The following DOCK4 variants were observed in gnomAD, a reference collection of about 807,000 sequenced individuals.
DOCK4 encodes the protein dedicator of cytokinesis protein 4.
DOCK4 carries 97 observed loss-of-function variants against 268.1 expected under a neutral mutation model. The observed-to-expected ratio is 0.36, with a 90% CI of 0.31 to 0.43. DOCK4 has a LOEUF of 0.43. Ranked by LOEUF, DOCK4 falls within the 20% of genes least tolerant of loss-of-function variation. DOCK4 has a pLI of 1.00. For synonymous variants in DOCK4, 954 were observed against 887.2 expected, an observed-to-expected ratio of 1.08 and a Z score of -1.34; for missense variants, 2,145 against 2,455.7, an observed-to-expected ratio of 0.87 and a Z score of 2.67.
chr7:111,824,376 T>C (rs1802237863), intron 26 of DOCK4, among the ~76,000 whole-genome samples: 2 of 152,184 alleles, frequency 1.3e-5, no homozygotes, highest in Non-Finnish European at 1.5e-5. Flanking sequence ...CCCACTTCAG[T>C]TTCCTATCTT....
intron 8 of DOCK4, among the ~76,000 whole-genome samples, chr7:111,958,925 C>A (rs1796646591): frequency 6.6e-6 from 1 of 152,262 alleles, no homozygotes; most frequent in East Asian, 1.9e-4. Context: ...ATTGACATAA[C>A]AACATCTCTA....
In DOCK4 at chr7:112,181,463, C is replaced by T. The variant is rs138233847; in HGVS notation, c.37+24639G>A. Among the ~76,000 whole-genome samples, 1,372 of 151,876 alleles carry T rather than the reference C, an allele frequency of 9.0e-3. 5 individuals are homozygous for T. Among genetic ancestry groups the T allele is most frequent in the Middle Eastern group, 0.024 (7 of 294 alleles). ...GAGGCCAGCACAGTTCGGGACCAGA[C>T]TGGGAAACATACTGAGACTCCATCT... On this transcript the variant is annotated intron_variant, in intron 1 of 52. Transcript: ENST00000428084.
intron 1 of DOCK4, among the ~76,000 whole-genome samples, chr7:112,070,034 T>C (rs1023672457): frequency 9.2e-5 from 14 of 152,068 alleles, no homozygotes; most frequent in African/African-American, 3.1e-4. Flanking sequence ...TGGTGATCCA[T>C]TGAAGGATTT....
At chr7:111,784,179 A>G in intron 32 of DOCK4, 56 bp from the exon 33 acceptor site, 1 of 1,512,684 alleles carries the variant, frequency 6.6e-7, no homozygotes, top group Non-Finnish European at 8.9e-7. Context: ...CAAGTCATAA[A>G]ATACAAACAC....
At chr7:111,802,674 T>C (rs1800390103) in intron 30 of DOCK4, among the ~76,000 whole-genome samples, 3 of 152,170 alleles carry the variant, frequency 2.0e-5, no homozygotes, top group African/African-American at 7.2e-5. Flanking sequence ...TTGAGTACTT[T>C]TGAATCTCTT....
At chr7:112,202,605 A>G (rs1821042242) in intron 1 of DOCK4, among the ~76,000 whole-genome samples, 1 of 152,074 alleles carries the variant, frequency 6.6e-6, no homozygotes, top group Non-Finnish European at 1.5e-5. Flanking sequence ...GAGAAGGTGC[A>G]TGTCAGTAAT....
At chr7:111,780,114 G>A (rs1015082221) in intron 35 of DOCK4, among the ~76,000 whole-genome samples, 2 of 152,168 alleles carry the variant, frequency 1.3e-5, no homozygotes, top group Admixed American at 6.5e-5. Flanking sequence ...TCTAGCAAAT[G>A]TGGCTGTTGA....
rs1794791166 is a variant in DOCK4 at position 111,728,350 on chromosome 7, T to TGGC, written c.5849_5851dup (p.Ser1950_His1951insArg). 1 of 1,521,450 alleles carries TGGC rather than the reference T, an allele frequency of 6.6e-7. No individual in the cohort carries two copies. Among genetic ancestry groups the TGGC allele is most frequent in the Non-Finnish European group, 8.8e-7 (1 of 1,136,870 alleles). The allele number at this position is 1,521,450 out of a possible 1,614,324, so 94.2% of individuals were successfully genotyped here. ...AGTCCTCCGGGCCCCATTCTCCAGG[T>TGGC]GGCTGGATCGCGCTGCCAGAGGCTT... On this transcript the variant is annotated inframe_insertion, in exon 53 of 53. Coordinates refer to ENST00000428084, the MANE Select transcript of DOCK4 (RefSeq NM_001363540.2).
chr7:112,077,850 G>A (rs1366018915), intron 1 of DOCK4, among the ~76,000 whole-genome samples: 1 of 152,018 alleles, frequency 6.6e-6, no homozygotes, highest in Non-Finnish European at 1.5e-5. Flanking sequence ...AAACTTATCA[G>A]TTAATAGGTT....
intron 50 of DOCK4, among the ~76,000 whole-genome samples, chr7:111,735,755 G>T (rs1008469657): frequency 2.2e-4 from 34 of 152,246 alleles, no homozygotes; most frequent in South Asian, 6.2e-4. Flanking sequence ...GGAATATGGG[G>T]CAATCCTGGC....
intron 7 of DOCK4, 56 bp from the exon 8 acceptor site, chr7:111,977,339 G>T: frequency 4.5e-6 from 7 of 1,544,566 alleles, no homozygotes; most frequent in Non-Finnish European, 5.2e-6. Flanking sequence ...GAAATAACAG[G>T]ACCCAACAAA....
At chr7:111,810,726 G>A (rs1801062565) in intron 28 of DOCK4, among the ~76,000 whole-genome samples, 1 of 152,080 alleles carries the variant, frequency 6.6e-6, no homozygotes. Context: ...GCCAGGCGCG[G>A]TGACTCATGC....
At chr7:111,741,951 C>T in intron 45 of DOCK4, 62 bp downstream of exon 45, 2 of 1,509,542 alleles carry the variant, frequency 1.3e-6, no homozygotes, top group Non-Finnish European at 1.8e-6. Context: ...ACATCATCAT[C>T]CCTTTAACAA....
chr7:112,193,066 T>C (rs182141022), intron 1 of DOCK4, among the ~76,000 whole-genome samples: 180 of 152,262 alleles, frequency 1.2e-3, no homozygotes, highest in African/African-American at 4.1e-3. Flanking sequence ...TTTCATATAA[T>C]AAAACTTCCA....
chr7:111,809,201 T>C, intron 29 of DOCK4, 100 bp downstream of exon 29: 1 of 983,320 alleles, frequency 1.0e-6, no homozygotes. Flanking sequence ...GGTTCTTCAC[T>C]GTGTGATTTC....
Position 111,957,744 on chromosome 7 carries a change from T to C in DOCK4, c.702-11946A>G, listed in dbSNP as rs184252531. ...ATGGCCCTGAGAAGGACAGTAAGAA[T>C]TGTTTGCTGAATAAATAAATGAATG... is the stretch of plus-strand genomic sequence containing the variant. On this transcript the variant is annotated intron_variant, in intron 8 of 52. Coordinates refer to ENST00000428084, the MANE Select transcript of DOCK4 (RefSeq NM_001363540.2). Among the ~76,000 whole-genome samples the C allele has an allele frequency of 5.3e-5, 8 of 152,250 alleles. No individual in the cohort carries two copies. In the East Asian group the frequency reaches 1.3e-3, roughly 26 times the overall value.
intron 8 of DOCK4, among the ~76,000 whole-genome samples, chr7:111,953,371 G>C (rs555452317): frequency 1.3e-5 from 2 of 152,248 alleles, no homozygotes; most frequent in East Asian, 3.9e-4. Flanking sequence ...CCAGGGTGCA[G>C]TGCTGACCCT....
At chr7:112,035,509 T>G (rs1473719036) in intron 1 of DOCK4, among the ~76,000 whole-genome samples, 1 of 151,768 alleles carries the variant, frequency 6.6e-6, no homozygotes, top group Admixed American at 6.6e-5. Context: ...ACTGTAGAAA[T>G]CAGGAAATGC....
intron 1 of DOCK4, among the ~76,000 whole-genome samples, chr7:112,134,400 C>T (rs1230988010): frequency 6.6e-6 from 1 of 152,172 alleles, no homozygotes; most frequent in Non-Finnish European, 1.5e-5. Flanking sequence ...AGTGTTTTTA[C>T]TTATGTCTTT....
Sources: gnomAD v4.1 joint callset for allele counts (sites outside exome capture counted in the v4.1 genomes callset) on GRCh38, gnomAD v4.1.1 for gene constraint, MANE v1.5 for transcripts, NCBI Gene and HGNC (gene_info 2026-07-23, HGNC 2026-07-21) for gene names.